Variants in NISCH observed in about 807,000 individuals in gnomAD.
NISCH encodes I-1 receptor candidate protein.
NISCH carries 55 observed loss-of-function variants against 138.4 expected under a neutral mutation model. The observed-to-expected ratio is 0.40, with a 90% confidence interval of 0.32 to 0.50. NISCH has a LOEUF of 0.50. Ranked by LOEUF, NISCH falls within the 20% of genes least tolerant of loss-of-function variation. The pLI is 0.71. For missense variants in NISCH, 1,643 were observed against 2,005.5 expected (o/e 0.82, Z 3.45); for synonymous variants, 860 against 861.5 (o/e 1.00, Z 0.03).
rs764469078 is a variant in NISCH at position 52,487,752 on chromosome 3, C to G, written c.2260C>G (p.Leu754Val). 4 of 1,613,778 alleles carry G rather than the reference C, an allele frequency of 2.5e-6. No individual in the cohort carries two copies. The highest frequency in any genetic ancestry group is 2.5e-6 in the Non-Finnish European group (3 of 1,180,012). The change falls in exon 16 of 21, where the codon CTC (leucine) becomes GTC (valine). Residue 754 changes from leucine (L) to valine (V), a missense_variant. Physicochemically the swap from Leu to Val is conservative, Grantham distance 32 (BLOSUM62 1). Transcript: ENST00000345716. The surrounding 1 kb of genome is among the most constrained non-coding windows in gnomAD (Gnocchi z 9.1). ...QESRGSSQHI[L>V]SSLRFVFCFP... is the part of the protein sequence containing the mutation. ...GTCTCGGGGCAGCAGCCAGCACATC[C>G]TCTCCTCCCTGCGCTTTGTCTTTTG...
chr3:52,480,026 G>T, intron 12 of NISCH, 158 bp from the exon 13 acceptor site: 1 of 968,750 alleles, frequency 1.0e-6, no homozygotes, highest in East Asian at 2.6e-5. Context: ...TGTTCTCTGT[G>T]GGGTGGGGAC....
intron 7 of NISCH, 44 bp from the exon 8 acceptor site, chr3:52,476,403 G>A (rs750321895): frequency 4.4e-6 from 7 of 1,605,444 alleles, no homozygotes; most frequent in East Asian, 4.5e-5. Flanking sequence ...TGAGTGTTGC[G>A]TGAGGGCCCG....
intron 1 of NISCH, 54 bp downstream of exon 1, chr3:52,455,788 C>G: frequency 8.0e-7 from 1 of 1,257,024 alleles, no homozygotes; most frequent in Non-Finnish European, 1.0e-6. Flanking sequence ...AACCGGGAGT[C>G]CGACTCGGGG....
Position 52,471,629 on chromosome 3 carries a change from TAGGGTTGC to T in NISCH, c.410-184_410-177del, listed in dbSNP as rs917615185. Reference sequence around the variant, plus strand: ...CTGCCCTCCTCTGTCATCACATGTCTAGGGTTGCCCTGTGCCTAGCAGGCACCCAGGAG... The same window carrying T: ...CTGCCCTCCTCTGTCATCACATGTCTCCTGTGCCTAGCAGGCACCCAGGAG... On this transcript the variant is annotated intron_variant, in intron 4 of 20. Coordinates refer to ENST00000345716, the MANE Select transcript of NISCH (RefSeq NM_007184.4). 8.1e-5 allele frequency: 51 copies of T among 631,592 alleles called. No individual in the cohort carries two copies. The African/African-American group carries it at 8.8e-4, about 11-fold the overall frequency. 39.1% of individuals were successfully genotyped at this position (631,592 alleles called of 1,614,324 possible). A position where few individuals can be genotyped will look rare whatever the true frequency, so the allele number is the denominator to read the frequency against.
intron 3 of NISCH, among the ~76,000 whole-genome samples, chr3:52,470,299 A>G (rs1706908689): frequency 6.6e-6 from 1 of 152,108 alleles, no homozygotes. Flanking sequence ...CCTGGGGCTG[A>G]GTGTTACTGT....
chr3:52,478,413 G>C, intron 10 of NISCH, 36 bp from the exon 11 acceptor site: 2 of 1,613,622 alleles, frequency 1.2e-6, no homozygotes, highest in South Asian at 2.2e-5. Context: ...AGTGTTAAGA[G>C]AAGGGACCAA....
At position 52,492,789 on chromosome 3, in the gene NISCH, T is replaced by A. The variant is rs922593125; in HGVS notation, c.*307T>A. The A allele has an allele frequency of 1.5e-5, 6 of 412,038 alleles. No homozygotes were observed. Among genetic ancestry groups the A allele is most frequent in the Non-Finnish European group, 2.6e-5 (6 of 228,946 alleles). The allele number at this position is 412,038 out of a possible 1,614,324, so 25.5% of individuals were successfully genotyped here. On this transcript the variant is annotated 3_prime_UTR_variant, in exon 21 of 21. Transcript: ENST00000345716. ...TGACACTGTGGGTCTGACTTTCTCT[T>A]CTACACGTCCTTTCCTGAAGTGTCG... is the stretch of plus-strand genomic sequence containing the variant.
rs1559637621 is a variant in NISCH, at chr3:52,481,593, C to T, written c.1528+1298C>T. 3 of 985,484 alleles carry T rather than the reference C, an allele frequency of 3.0e-6. No individual in the cohort carries two copies. The African/African-American group carries it at 5.2e-5, about 17-fold the overall frequency. The allele number at this position is 985,484 out of a possible 1,614,324, so 61.0% of individuals were successfully genotyped here. On this transcript the variant is annotated intron_variant, in intron 13 of 20. Transcript: ENST00000345716. The stretch of plus-strand genomic sequence containing the variant: ...GGCCTCTGGGGACAGGGAGCTGCAT[C>T]TGCTTCTCAAGGCCAGGGACACAGC...
At position 52,487,721 on chromosome 3, in the gene NISCH, C is replaced by G; in HGVS notation, c.2229C>G (p.His743Gln). The change falls in exon 16 of 21, where the codon CAC (histidine) becomes CAG (glutamine). Residue 743 changes from histidine (H) to glutamine (Q), a missense_variant. Transcript: ENST00000345716. The surrounding 1 kb of genome is among the most constrained non-coding windows in gnomAD (Gnocchi z 9.1). The stretch of plus-strand genomic sequence containing the variant: ...GCATCGCAGTCTTCGAGATCCCGCA[C>G]CAGGAGTCTCGGGGCAGCAGCCAGC... ...DFGIAVFEIPHQESRGSSQHI... is the reference protein window; with the variant it reads ...DFGIAVFEIPQQESRGSSQHI... 7 of 1,613,736 alleles carry G rather than the reference C, an allele frequency of 4.3e-6. No homozygotes were observed. Among genetic ancestry groups the G allele is most frequent in the African/African-American group, 1.3e-5 (1 of 75,004 alleles).
Position 52,491,959 on chromosome 3 carries a change from C to T in NISCH, c.3992C>T (p.Thr1331Ile), listed in dbSNP as rs1377695730. The T allele has an allele frequency of 1.2e-6, 2 of 1,613,592 alleles. No homozygotes were observed. Residue 1331 changes from threonine (T) to isoleucine (I), a missense_variant, in exon 21 of 21, where the codon ACT (threonine) becomes ATT (isoleucine). Thr to Ile is a moderately conservative substitution (Grantham distance 89, BLOSUM62 -1). Transcript: ENST00000345716. ...SEEEIGDLTF[T>I]VAQKMAEPEK... ...GAGGAGATTGGGGACCTGACGTTCA[C>T]TGTGGCCCAAAAGATGGCTGAGCCA...
rs1027117486 is a variant in NISCH, at chr3:52,489,762, C to G, written c.3456+84C>G. 3.9e-6 allele frequency: 6 copies of G among 1,532,136 alleles called. No homozygotes were observed. In the African/African-American group the frequency reaches 8.2e-5, roughly 21 times the overall value. The allele number at this position is 1,532,136 out of a possible 1,614,324, so 94.9% of individuals were successfully genotyped here. ...GCTTGGCTTCAGGTCAGCCTCAGGT[C>G]CCTGGACTTCCCTGATGTCGGAGTC... On this transcript the variant is annotated intron_variant, in intron 17 of 20. Coordinates refer to ENST00000345716, the MANE Select transcript of NISCH (RefSeq NM_007184.4).
In NISCH at chr3:52,471,788, T is replaced by C. The variant is rs1161132102; in HGVS notation, c.410-26T>C. 3.7e-6 allele frequency: 6 copies of C among 1,613,616 alleles called. No homozygotes were observed. The South Asian group carries it at 6.6e-5, about 18-fold the overall frequency. On this transcript the variant is annotated intron_variant, in intron 4 of 20. Coordinates refer to ENST00000345716, the MANE Select transcript of NISCH (RefSeq NM_007184.4). ...AGGGCTGGGGCTGCGGCTGGACACTTATCCTTCAGGGCATGGCTCTTGCAG... is the reference window on the plus strand; with the variant it reads ...AGGGCTGGGGCTGCGGCTGGACACTCATCCTTCAGGGCATGGCTCTTGCAG...
At chr3:52,470,413 G>C (rs1457417259) in intron 3 of NISCH, 1 of 163,218 alleles carries the variant, frequency 6.1e-6, no homozygotes, top group Non-Finnish European at 1.3e-5. Context: ...TTCCCAGGGA[G>C]GGTTAGCTCT....
chr3:52,485,669 C>T (rs922743027), intron 14 of NISCH, 109 bp from the exon 15 acceptor site: 8 of 1,264,766 alleles, frequency 6.3e-6, no homozygotes, highest in Non-Finnish European at 7.9e-6. Context: ...GGGGAGCCTC[C>T]TCAGGGCGGT....
intron 3 of NISCH, among the ~76,000 whole-genome samples, chr3:52,460,520 A>G (rs988481137): frequency 6.6e-6 from 1 of 151,708 alleles, no homozygotes; most frequent in Non-Finnish European, 1.5e-5. Flanking sequence ...TCCTGCCTCA[A>G]CTTCCCAAGT....
At chr3:52,475,471 G>A (rs1025368093) in intron 7 of NISCH, 5 of 152,210 alleles carry the variant, frequency 3.3e-5, no homozygotes, top group East Asian at 1.9e-4. Flanking sequence ...CCACAGTGAG[G>A]ACCACATCAT....
chr3:52,477,908 C>G (rs571771863), intron 9 of NISCH, 189 bp from the exon 10 acceptor site: 8 of 676,372 alleles, frequency 1.2e-5, no homozygotes, highest in African/African-American at 7.2e-5. Context: ...CCCCAACTGT[C>G]TGCAGGGGTG....
At chr3:52,473,572 C>CA (rs1209839647) in intron 6 of NISCH, among the ~76,000 whole-genome samples, 162 bp from the exon 7 acceptor site, 1 of 152,198 alleles carries the variant, frequency 6.6e-6, no homozygotes, top group Non-Finnish European at 1.5e-5. Flanking sequence ...TCGGCACTGA[C>CA]ACTGGGAAAA....
At position 52,490,228 on chromosome 3, in the gene NISCH, C is replaced by T; in HGVS notation, c.3610C>T (p.Gln1204Ter). 1 of 1,612,250 alleles carries T rather than the reference C, an allele frequency of 6.2e-7. No homozygotes were observed. Among genetic ancestry groups the T allele is most frequent in the Non-Finnish European group, 8.5e-7 (1 of 1,179,938 alleles). Residue 1204 changes from glutamine to a stop codon, truncating the protein, a stop_gained, in exon 18 of 21, where the codon CAG becomes TAG. Transcript: ENST00000345716. LOFTEE classifies it high-confidence loss of function. ...GLRRYFSEPL[Q>*]DFWHQKNTDY... is the part of the protein sequence containing the mutation. ...CCGCCGCTACTTCTCAGAGCCACTG[C>T]AGGGTAGGCACAGGGCCTGCTGGGG...
Sources: gnomAD v4.1 joint callset for allele counts (sites outside exome capture counted in the v4.1 genomes callset) on GRCh38, gnomAD v4.1.1 for gene constraint, Gnocchi (gnomAD v3.1) non-coding constraint, MANE v1.5 for transcripts, NCBI Gene and HGNC (gene_info 2026-07-23, HGNC 2026-07-21) for gene names.